The following C2CD2 variants were observed in gnomAD, a reference collection of about 807,000 sequenced individuals.
The protein encoded by C2CD2 is C2 calcium dependent domain containing 2.
Under a neutral mutation model 74.3 loss-of-function variants are expected in C2CD2, and 43 were observed. That is an observed-to-expected ratio of 0.58 (90% CI 0.45 to 0.75). The LOEUF is 0.75. Ranked by LOEUF, C2CD2 falls within the 30% of genes least tolerant of loss-of-function variation. The pLI is 0.00. For synonymous variants in C2CD2, 422 were observed against 390.7 expected (o/e 1.08, Z -0.94); for missense variants, 801 against 916.3 (o/e 0.87, Z 1.63).
chr21:41,927,723 C>T (rs1415257906), intron 2 of C2CD2, among the ~76,000 whole-genome samples: 1 of 152,200 alleles, frequency 6.6e-6, no homozygotes, highest in East Asian at 1.9e-4. Flanking sequence ...CCCACCTTGG[C>T]CTCCCAATTT....
At chr21:41,919,288 GTGTA>G (rs1384296988) in intron 3 of C2CD2, among the ~76,000 whole-genome samples, 2 of 152,156 alleles carry the variant, frequency 1.3e-5, no homozygotes, top group Admixed American at 1.3e-4. Context: ...GTGTGCATGT[GTGTA>G]TGTATGTGTG....
At chr21:41,925,822 G>A (rs1345735909) in intron 2 of C2CD2, among the ~76,000 whole-genome samples, 1 of 152,172 alleles carries the variant, frequency 6.6e-6, no homozygotes, top group Non-Finnish European at 1.5e-5. Flanking sequence ...GCCTTCCTAA[G>A]TGGCCAGATG....
At chr21:41,914,373 T>C (rs2065063785) in intron 6 of C2CD2, among the ~76,000 whole-genome samples, 1 of 151,804 alleles carries the variant, frequency 6.6e-6, no homozygotes, top group Non-Finnish European at 1.5e-5. Context: ...AAACCAATTA[T>C]ACTCCTTTCC....
In C2CD2 at chr21:41,899,032, G is replaced by A; in HGVS notation, c.1870+21C>T. The A allele has an allele frequency of 6.3e-7, 1 of 1,597,952 alleles. No homozygotes were observed. On this transcript the variant is annotated intron_variant, in intron 13 of 13. Transcript: ENST00000380486. This position sits in a 1 kb window ranked among gnomAD's most constrained non-coding sequence, Gnocchi z 4.4. ...AGCCACCAAGTGGGGGGCCCGGGATGGGGGGCTCGGGAGCAGGTACCTTTA... is the reference window on the plus strand; with the variant it reads ...AGCCACCAAGTGGGGGGCCCGGGATAGGGGGCTCGGGAGCAGGTACCTTTA...
In C2CD2 at chr21:41,899,026, C is replaced by T. The variant is rs765996946; in HGVS notation, c.1870+27G>A. ...GCGCAAAGCCACCAAGTGGGGGGCC[C>T]GGGATGGGGGGCTCGGGAGCAGGTA... is the stretch of plus-strand genomic sequence containing the variant. On this transcript the variant is annotated intron_variant, in intron 13 of 13. Transcript: ENST00000380486. This position sits in a 1 kb window ranked among gnomAD's most constrained non-coding sequence, Gnocchi z 4.4. 7.6e-6 allele frequency: 12 copies of T among 1,587,164 alleles called. No individual in the cohort carries two copies. Among genetic ancestry groups the T allele is most frequent in the Admixed American group, 3.4e-5 (2 of 59,544 alleles).
Position 41,889,168 on chromosome 21 carries a change from T to G in C2CD2, c.2047A>C (p.Asn683His), listed in dbSNP as rs1473429671. ...LNKKLLSRHR[N>H]KNTMNGAPVE... The stretch of plus-strand genomic sequence containing the variant: ...GGGGCACCGTTCATGGTGTTCTTGT[T>G]TCTGTGCCTGGAGAGCAGCTTCTTG... Residue 683 changes from asparagine (N) to histidine (H), a missense_variant, in exon 14 of 14, where the codon AAC becomes CAC. Coordinates refer to ENST00000380486, the MANE Select transcript of C2CD2 (RefSeq NM_015500.2). 16 of 1,612,734 alleles carry G rather than the reference T, an allele frequency of 9.9e-6. No homozygotes were observed. The highest frequency in any genetic ancestry group is 1.3e-5 in the Non-Finnish European group (15 of 1,180,034).
At chr21:41,917,907 T>C (rs1311284254) in intron 5 of C2CD2, among the ~76,000 whole-genome samples, 198 bp downstream of exon 5, 2 of 152,156 alleles carry the variant, frequency 1.3e-5, no homozygotes, top group Non-Finnish European at 2.9e-5. Context: ...TTCCACTTCA[T>C]GAAGCTTTGC....
intron 13 of C2CD2, among the ~76,000 whole-genome samples, chr21:41,891,907 A>C (rs2064759535): frequency 6.6e-6 from 1 of 152,172 alleles, no homozygotes; most frequent in South Asian, 2.1e-4. Flanking sequence ...GCGTCCCTGC[A>C]CTGAAGCTGG....
rs924344589 is a variant in C2CD2 at position 41,926,435 on chromosome 21, C to T, written c.379-4350G>A. On this transcript the variant is annotated intron_variant, in intron 2 of 13. Transcript: ENST00000380486. This position sits in a 1 kb window ranked among gnomAD's most constrained non-coding sequence, Gnocchi z 8.0. ...AGGTGAGGGTTTGGGTCGGGGAGCC[C>T]TGGGCAGCAGATGGAAGCACCACGG... 2.0e-6 allele frequency: 2 copies of T among 980,900 alleles called. No homozygotes were observed. Among genetic ancestry groups the T allele is most frequent in the Non-Finnish European group, 2.4e-6 (2 of 826,132 alleles). The allele number at this position is 980,900 out of a possible 1,614,324, so 60.8% of individuals were successfully genotyped here.
chr21:41,925,338 GC>G (rs1410704036), intron 2 of C2CD2, among the ~76,000 whole-genome samples: 1 of 149,368 alleles, frequency 6.7e-6, no homozygotes, highest in Non-Finnish European at 1.5e-5. Context: ...AAAAAAATTA[GC>G]CAAGCATGGT....
intron 1 of C2CD2, among the ~76,000 whole-genome samples, chr21:41,948,223 G>A (rs1296757219): frequency 6.6e-6 from 1 of 152,212 alleles, no homozygotes; most frequent in East Asian, 1.9e-4. Context: ...CATCACCACT[G>A]TTTCTCCTCC....
chr21:41,901,625 G>A lies in C2CD2; in HGVS notation c.1557C>T (p.Ser519=). ...TCCCCAGCCACCACGATGGTACCTTGGAGATCCCTGATATGATAATAGTGC... is the reference window on the plus strand; with the variant it reads ...TCCCCAGCCACCACGATGGTACCTTAGAGATCCCTGATATGATAATAGTGC... ...KKSTIIISGI[S]KTSLSQDHDA... The change falls in exon 12 of 14, where the codon TCC becomes TCT. Residue 519 remains serine, a synonymous_variant. Coordinates refer to ENST00000380486, the MANE Select transcript of C2CD2 (RefSeq NM_015500.2). The A allele has an allele frequency of 1.9e-6, 3 of 1,614,146 alleles. No individual in the cohort carries two copies. Among genetic ancestry groups the A allele is most frequent in the Non-Finnish European group, 2.5e-6 (3 of 1,179,980 alleles).
Position 41,885,994 on chromosome 21 carries a change from T to A in C2CD2, c.*3130A>T, listed in dbSNP as rs1264805798. On this transcript the variant is annotated 3_prime_UTR_variant, in exon 14 of 14. Transcript: ENST00000380486. ...CAAGGAGATGGCTACTTTTTGTTATTGCTACAATAACACACGCGTGTGTGC... is the reference window on the plus strand; with the variant it reads ...CAAGGAGATGGCTACTTTTTGTTATAGCTACAATAACACACGCGTGTGTGC... 1 of 152,420 alleles carries A rather than the reference T, an allele frequency of 6.6e-6. No homozygotes were observed. Among genetic ancestry groups the A allele is most frequent in the Non-Finnish European group, 1.5e-5 (1 of 68,044 alleles). The allele number at this position is 152,420 out of a possible 1,614,324, so 9.4% of individuals were successfully genotyped here.
At chr21:41,893,012 G>A (rs1217953731) in intron 13 of C2CD2, among the ~76,000 whole-genome samples, 1 of 152,214 alleles carries the variant, frequency 6.6e-6, no homozygotes, top group Non-Finnish European at 1.5e-5. Context: ...AAAGACCTTA[G>A]AACAGGAACA....
Position 41,899,477 on chromosome 21 carries a change from G to T in C2CD2, c.1561-115C>A. On this transcript the variant is annotated intron_variant, in intron 12 of 13. Transcript: ENST00000380486. The surrounding 1 kb of genome is among the most constrained non-coding windows in gnomAD (Gnocchi z 4.4). ...GACAGCTGATTTCAAAGTCTCAGAA[G>T]ATGCAGCCGTGGGCCTCATAGAAGG... 9.6e-7 allele frequency: 1 copy of T among 1,040,786 alleles called. No homozygotes were observed. Among genetic ancestry groups the T allele is most frequent in the Non-Finnish European group, 1.4e-6 (1 of 720,018 alleles). The allele number at this position is 1,040,786 out of a possible 1,614,324, so 64.5% of individuals were successfully genotyped here. A position where few individuals can be genotyped will look rare whatever the true frequency, so the allele number is the denominator to read the frequency against.
chr21:41,917,274 C>G (rs1191545284), intron 5 of C2CD2, among the ~76,000 whole-genome samples: 1 of 152,164 alleles, frequency 6.6e-6, no homozygotes, highest in East Asian at 1.9e-4. Flanking sequence ...ATCTGCAGAC[C>G]AAGGACAGAC....
chr21:41,887,405 A>G lies in C2CD2; in HGVS notation c.*1719T>C, dbSNP rs2064696639. The G allele has an allele frequency of 6.6e-6, 1 of 152,188 alleles. No individual in the cohort carries two copies. The highest frequency in any genetic ancestry group is 2.1e-4 in the South Asian group (1 of 4,832). 9.4% of individuals were successfully genotyped at this position (152,188 alleles called of 1,614,324 possible). On this transcript the variant is annotated 3_prime_UTR_variant, in exon 14 of 14. Transcript: ENST00000380486. ...AAGAAGTTTGTAATGCGCATTTTAA[A>G]GTGAAATTCCTAATGTCGTTTTCTA... is the stretch of plus-strand genomic sequence containing the variant.
chr21:41,901,654 T>C lies in C2CD2; in HGVS notation c.1528A>G (p.Lys510Glu), dbSNP rs138923503. The change falls in exon 12 of 14, where the codon AAA becomes GAA. Residue 510 changes from lysine to glutamate, a missense_variant. By Grantham distance (56) the Lys-to-Glu change is moderately conservative. Transcript: ENST00000380486. ...ATCCCTGATATGATAATAGTGCTTTTCTTCCGTGGCGACTTGAGTTTCAGC... is the reference window on the plus strand; with the variant it reads ...ATCCCTGATATGATAATAGTGCTTTCCTTCCGTGGCGACTTGAGTTTCAGC... ...SKLKLKSPRK[K>E]STIIISGISK... 1.4e-4 allele frequency: 219 copies of C among 1,614,212 alleles called. No individual in the cohort carries two copies. Among genetic ancestry groups the C allele is most frequent in the South Asian group, 6.6e-4 (60 of 91,084 alleles).
At chr21:41,900,191 G>A (rs528481854) in intron 12 of C2CD2, among the ~76,000 whole-genome samples, 32 of 152,220 alleles carry the variant, frequency 2.1e-4, no homozygotes, top group South Asian at 8.3e-4. Context: ...GGAGAATGGC[G>A]TGAACCTGGG....
Sources: gnomAD v4.1 joint callset for allele counts (sites outside exome capture counted in the v4.1 genomes callset) on GRCh38, gnomAD v4.1.1 for gene constraint, Gnocchi (gnomAD v3.1) non-coding constraint, MANE v1.5 for transcripts, NCBI Gene and HGNC (gene_info 2026-07-23, HGNC 2026-07-21) for gene names.